The following ACTN1 variants were observed in gnomAD, a reference collection of about 807,000 sequenced individuals.
ACTN1 encodes alpha-actinin-1.
ACTN1 carries 30 observed loss-of-function variants against 119.6 expected under a neutral mutation model. The ratio of observed to expected loss-of-function variants is 0.25; its 90% CI spans 0.19 to 0.34. The LOEUF (loss-of-function observed/expected upper bound fraction) is 0.34. Among genes scored for constraint, ACTN1 ranks in the 10% least tolerant of loss-of-function variants. ACTN1 has a pLI of 1.00. For missense variants in ACTN1, 764 were observed against 1,223.4 expected (o/e 0.62, Z 5.60); for synonymous variants, 429 against 472.6 (o/e 0.91, Z 1.20).
At chr14:68,960,237 G>GA (rs768134907) in intron 1 of ACTN1, among the ~76,000 whole-genome samples, 18 of 151,896 alleles carry the variant, frequency 1.2e-4, no homozygotes, top group Admixed American at 4.6e-4. Context: ...TAACTTTTAT[G>GA]AAAAAAAATC....
At chr14:68,881,958 C>A (rs1222383046) in intron 16 of ACTN1, among the ~76,000 whole-genome samples, 3 of 32,002 alleles carry the variant, frequency 9.4e-5, no homozygotes, top group Non-Finnish European at 1.5e-4. Flanking sequence ...TTTTTTTTGA[C>A]AGAGTCTTGC....
intron 1 of ACTN1, chr14:68,978,385 C>T (rs2037144500): frequency 2.7e-6 from 1 of 376,552 alleles, no homozygotes; most frequent in Non-Finnish European, 5.3e-6. Flanking sequence ...CAGCCGCACT[C>T]CAGCTGGTCC....
chr14:68,953,017 G>T (rs1281086421), intron 1 of ACTN1, among the ~76,000 whole-genome samples: 2 of 152,106 alleles, frequency 1.3e-5, no homozygotes, highest in Admixed American at 6.5e-5. Context: ...ATCCCTAGGG[G>T]CATCTGCCAC....
chr14:68,937,914 A>T (rs925540239), intron 1 of ACTN1, among the ~76,000 whole-genome samples: 1 of 152,234 alleles, frequency 6.6e-6, no homozygotes, highest in African/African-American at 2.4e-5. Context: ...CTCAGCGTTG[A>T]GTCCTCTGCA....
rs149520637 is a variant in ACTN1 at position 68,898,589 on chromosome 14, C to T, written c.762+3888G>A. ...ACAGACAAGACAGGAGTGTGTGAGT[C>T]AGCAAGAGTCCTTCTCCTCCATCAG... On this transcript the variant is annotated intron_variant, in intron 8 of 21. Coordinates refer to ENST00000394419, the MANE Select transcript of ACTN1 (RefSeq NM_001130004.2). Among the ~76,000 whole-genome samples, 222 of 152,170 alleles carry T rather than the reference C, an allele frequency of 1.5e-3. 1 individual carries two copies. The highest frequency in any genetic ancestry group is 5.1e-3 in the African/African-American group (213 of 41,472).
At chr14:68,915,969 G>A (rs1270239414) in intron 3 of ACTN1, among the ~76,000 whole-genome samples, 2 of 152,192 alleles carry the variant, frequency 1.3e-5, no homozygotes, top group African/African-American at 2.4e-5. Context: ...AGCTGAGATC[G>A]TGCCACTGCA....
At chr14:68,976,317 T>A (rs1163019611) in intron 1 of ACTN1, among the ~76,000 whole-genome samples, 2 of 152,112 alleles carry the variant, frequency 1.3e-5, no homozygotes, top group Non-Finnish European at 2.9e-5. Flanking sequence ...TCAGCCTCTG[T>A]CCACTTGTGG....
intron 8 of ACTN1, 28 bp from the exon 9 acceptor site, chr14:68,893,775 C>A: frequency 6.2e-7 from 1 of 1,609,254 alleles, no homozygotes. Context: ...AGAGTCACGA[C>A]CAGCCAGCCC....
intron 1 of ACTN1, among the ~76,000 whole-genome samples, chr14:68,971,190 T>G (rs1321176401): frequency 6.6e-6 from 1 of 152,226 alleles, no homozygotes; most frequent in Non-Finnish European, 1.5e-5. Flanking sequence ...GGCTTCCATT[T>G]CCCTGTCTGT....
chr14:68,893,569 T>C, intron 9 of ACTN1, 86 bp downstream of exon 9: 1 of 1,300,978 alleles, frequency 7.7e-7, no homozygotes, highest in Non-Finnish European at 1.1e-6. Flanking sequence ...AGCCTGAGAC[T>C]ATGCTCCAAG....
intron 8 of ACTN1, among the ~76,000 whole-genome samples, chr14:68,899,563 C>A (rs1181257844): frequency 6.6e-6 from 1 of 151,934 alleles, no homozygotes; most frequent in African/African-American, 2.4e-5. Flanking sequence ...CCATCACATC[C>A]CCCACACACC....
In ACTN1 at chr14:68,925,846, A is replaced by G. The variant is rs1204038022; in HGVS notation, c.106-174T>C. Among the ~76,000 whole-genome samples the G allele has an allele frequency of 6.6e-6, 1 of 152,140 alleles. No individual in the cohort carries two copies. Among genetic ancestry groups the G allele is most frequent in the Non-Finnish European group, 1.5e-5 (1 of 68,012 alleles). ...GCATCAACCAAGCACTGAGCTACCCACAGGGCAGCAGCTGAGGGACCCTAC... is the reference window on the plus strand; with the variant it reads ...GCATCAACCAAGCACTGAGCTACCCGCAGGGCAGCAGCTGAGGGACCCTAC... On this transcript the variant is annotated intron_variant, in intron 1 of 21. Transcript: ENST00000394419. This position sits in a 1 kb window ranked among gnomAD's most constrained non-coding sequence, Gnocchi z 4.3.
rs2037173656 is a variant in ACTN1, at chr14:68,978,998, TC to T, written c.58del (p.Asp20ThrfsTer44). ...NDYMQPEEDW[D>X]RDLLLDPAWE... ...GGCCGGGTCCAGGAGCAGGTCCCGGTCCCAGTCCTCTTCTGGCTGCATGTAA... is the reference window on the plus strand; with the variant it reads ...GGCCGGGTCCAGGAGCAGGTCCCGGTCCAGTCCTCTTCTGGCTGCATGTAA... On this transcript the variant is annotated frameshift_variant, in exon 1 of 22. Transcript: ENST00000394419. LOFTEE classifies it high-confidence loss of function. 6.2e-7 allele frequency: 1 copy of T among 1,603,430 alleles called. No homozygotes were observed. The highest frequency in any genetic ancestry group is 8.5e-7 in the Non-Finnish European group (1 of 1,174,744).
At chr14:68,922,192 C>G (rs2034685695) in intron 2 of ACTN1, among the ~76,000 whole-genome samples, 1 of 152,184 alleles carries the variant, frequency 6.6e-6, no homozygotes, top group Non-Finnish European at 1.5e-5. Flanking sequence ...ACTGTCTCCC[C>G]AGCAGGTCGA....
At chr14:68,953,726 A>C (rs1384828336) in intron 1 of ACTN1, among the ~76,000 whole-genome samples, 2 of 151,802 alleles carry the variant, frequency 1.3e-5, no homozygotes, top group Non-Finnish European at 2.9e-5. Context: ...AAAATACAAA[A>C]AAAAAAAAAA....
At chr14:68,955,447 C>T (rs1426302833) in intron 1 of ACTN1, among the ~76,000 whole-genome samples, 1 of 152,206 alleles carries the variant, frequency 6.6e-6, no homozygotes, top group Non-Finnish European at 1.5e-5. Flanking sequence ...AGCTAGAACC[C>T]AGACAACAGT....
At chr14:68,971,009 T>C (rs749413533) in intron 1 of ACTN1, among the ~76,000 whole-genome samples, 6 of 152,194 alleles carry the variant, frequency 3.9e-5, no homozygotes, top group Non-Finnish European at 8.8e-5. Flanking sequence ...GAAGCACAAA[T>C]GTTAAAAATG....
At chr14:68,922,540 C>T (rs2034705262) in intron 2 of ACTN1, among the ~76,000 whole-genome samples, 1 of 152,114 alleles carries the variant, frequency 6.6e-6, no homozygotes, top group Admixed American at 6.5e-5. Context: ...AAGGCTGCTC[C>T]TGTTACAGCC....
Position 68,961,860 on chromosome 14 carries a change from CA to C in ACTN1, c.105+17091del, listed in dbSNP as rs1170788212. ...CAGCACCAGATCAGAAGCCACTCCC[CA>C]CGGGAAGCATTCCTCATCCACCTCC... On this transcript the variant is annotated intron_variant, in intron 1 of 21. Transcript: ENST00000394419. Among the ~76,000 whole-genome samples the C allele has an allele frequency of 2.6e-5, 4 of 152,156 alleles. No homozygotes were observed. In the South Asian group the frequency reaches 8.3e-4, roughly 31 times the overall value.
Sources: allele counts gnomAD v4.1 joint callset (sites outside exome capture counted in the v4.1 genomes callset), GRCh38; gene constraint gnomAD v4.1.1; non-coding constraint Gnocchi (gnomAD v3.1); transcripts MANE v1.5; gene names NCBI Gene and HGNC (gene_info 2026-07-23, HGNC 2026-07-21).